The following TPRG1 variants were observed in gnomAD, a reference collection of about 807,000 sequenced individuals.
The protein encoded by TPRG1 is tumor protein p63-regulated gene 1 protein.
Under a neutral mutation model 29.3 loss-of-function variants are expected in TPRG1, and 29 were observed. The ratio of observed to expected loss-of-function variants is 0.99; its 90% confidence interval spans 0.74 to 1.35. The LOEUF (loss-of-function observed/expected upper bound fraction) is 1.35, where lower values mean the gene tolerates loss of function less well. TPRG1 is among the 40% of genes most tolerant of loss of function. The pLI is 0.00. For missense variants in TPRG1, 327 were observed against 335.0 expected (o/e 0.98, Z 0.19); for synonymous variants, 130 against 116.8 (o/e 1.11, Z -0.73).
intron 1 of TPRG1, among the ~76,000 whole-genome samples, chr3:189,180,250 G>A (rs139511426): frequency 1.5e-3 from 230 of 152,164 alleles, no homozygotes; most frequent in South Asian, 0.015. Context: ...TCCACCTCTG[G>A]TCGCTCCCAA....
At chr3:189,106,764 T>G (rs1443556600) in intron 1 of TPRG1, among the ~76,000 whole-genome samples, 1 of 152,182 alleles carries the variant, frequency 6.6e-6, no homozygotes, top group Non-Finnish European at 1.5e-5. Flanking sequence ...CAAAGAATTT[T>G]CATGTTTCTG....
intron 2 of TPRG1, among the ~76,000 whole-genome samples, chr3:189,210,182 T>C (rs1480250957): frequency 6.6e-6 from 1 of 152,162 alleles, no homozygotes; most frequent in Non-Finnish European, 1.5e-5. Flanking sequence ...ATCTACAAAG[T>C]ATAGATAAAA....
At chr3:189,317,394 G>A (rs1480688711) in intron 5 of TPRG1, among the ~76,000 whole-genome samples, 1 of 152,056 alleles carries the variant, frequency 6.6e-6, no homozygotes, top group Non-Finnish European at 1.5e-5. Flanking sequence ...CAAATTTCAG[G>A]CTCATCTCAT....
At chr3:189,036,854 T>G (rs903092081) in intron 4 of TPRG1, among the ~76,000 whole-genome samples, 6 of 151,838 alleles carry the variant, frequency 4.0e-5, no homozygotes, top group Non-Finnish European at 7.4e-5. Context: ...TATAAACCGA[T>G]TAAATGAAAC....
intron 1 of TPRG1, among the ~76,000 whole-genome samples, chr3:189,104,633 C>T (rs191353772): frequency 1.1e-3 from 165 of 151,834 alleles, no homozygotes; most frequent in African/African-American, 3.8e-3. Context: ...CGAACAGAAA[C>T]TGGAGATTAA....
chr3:189,320,532 G>A, intron 5 of TPRG1, 94 bp from the exon 6 acceptor site: 1 of 1,015,450 alleles, frequency 9.8e-7, no homozygotes, highest in Non-Finnish European at 1.4e-6. Flanking sequence ...CCCCAGGAGA[G>A]TAGTCAACTT....
chr3:189,154,267 T>A (rs1415612593), intron 5 of TPRG1, among the ~76,000 whole-genome samples: 1 of 152,176 alleles, frequency 6.6e-6, no homozygotes, highest in African/African-American at 2.4e-5. Flanking sequence ...TACCCTTATT[T>A]TACGATTATA....
intron 1 of TPRG1, among the ~76,000 whole-genome samples, chr3:189,195,358 G>A (rs1365222827): frequency 2.0e-5 from 3 of 152,160 alleles, no homozygotes; most frequent in Admixed American, 2.0e-4. Flanking sequence ...AGCTGAAAAG[G>A]CAGCGGGAGT....
chr3:189,201,395 C>T (rs61065225), intron 1 of TPRG1, among the ~76,000 whole-genome samples: 3 of 151,944 alleles, frequency 2.0e-5, no homozygotes, highest in Non-Finnish European at 4.4e-5. Flanking sequence ...AGGAGACAGA[C>T]AGAACAAGTG....
chr3:189,283,463 T>G (rs768541585), intron 4 of TPRG1, among the ~76,000 whole-genome samples: 3 of 152,244 alleles, frequency 2.0e-5, no homozygotes, highest in Admixed American at 2.0e-4. Context: ...CTAATATGAT[T>G]TGTTGGAAAT....
chr3:189,116,326 A>C (rs1721164651), intron 1 of TPRG1, among the ~76,000 whole-genome samples: 2 of 151,904 alleles, frequency 1.3e-5, no homozygotes, highest in Non-Finnish European at 2.9e-5. Context: ...GCAGGCGTCC[A>C]CCACCATGCC....
chr3:189,126,917 G>A (rs923165128), intron 1 of TPRG1: 7 of 152,176 alleles, frequency 4.6e-5, no homozygotes, highest in African/African-American at 1.7e-4. Flanking sequence ...AGAAAGATGA[G>A]TGTGATGATG....
At chr3:189,307,583 G>A (rs1721830001) in intron 4 of TPRG1, among the ~76,000 whole-genome samples, 1 of 152,202 alleles carries the variant, frequency 6.6e-6, no homozygotes, top group Non-Finnish European at 1.5e-5. Flanking sequence ...GCTATGTTAT[G>A]CAATAGCAGG....
intron 3 of TPRG1, among the ~76,000 whole-genome samples, chr3:189,005,040 A>C (rs1383978993): frequency 6.6e-6 from 1 of 152,064 alleles, no homozygotes; most frequent in South Asian, 2.1e-4. Context: ...TATTTATGGG[A>C]TCTAAAAATC....
intron 5 of TPRG1, among the ~76,000 whole-genome samples, chr3:189,314,239 G>A (rs907265576): frequency 6.6e-6 from 1 of 152,114 alleles, no homozygotes; most frequent in Non-Finnish European, 1.5e-5. Context: ...AGGGTTGGTT[G>A]TCAGGCAGTT....
intron 1 of TPRG1, among the ~76,000 whole-genome samples, chr3:189,108,807 G>T (rs1459570258): frequency 6.6e-6 from 1 of 152,058 alleles, no homozygotes; most frequent in African/African-American, 2.4e-5. Flanking sequence ...GTGCAATAAA[G>T]GTAGCGCCTT....
At chr3:189,072,826 G>A (rs760817459) in intron 4 of TPRG1, among the ~76,000 whole-genome samples, 3 of 151,926 alleles carry the variant, frequency 2.0e-5, no homozygotes, top group Non-Finnish European at 4.4e-5. Context: ...TATTAGTAGG[G>A]ACTCATGGAA....
chr3:189,284,654 G>A lies in TPRG1; in HGVS notation c.480-25732G>A, dbSNP rs938998080. 1.1e-3 allele frequency among the ~76,000 whole-genome samples: 161 copies of A among 152,056 alleles called. 1 individual carries two copies. The highest frequency in any genetic ancestry group is 3.4e-3 in the Middle Eastern group (1 of 294). On this transcript the variant is annotated intron_variant, in intron 4 of 5. Transcript: ENST00000345063. ...AGTCTTTGCTATTGTGAATAGTACC[G>A]CAATAAACATATGTGTGCATGTGTC...
chr3:189,096,541 G>T (rs1718691067), upstream of TPRG1, among the ~76,000 whole-genome samples: 1 of 152,156 alleles, frequency 6.6e-6, no homozygotes, highest in African/African-American at 2.4e-5. Flanking sequence ...TTCTTCTACA[G>T]CAGTGGTGCT....
Sources: gnomAD v4.1 joint callset for allele counts (sites outside exome capture counted in the v4.1 genomes callset) on GRCh38, gnomAD v4.1.1 for gene constraint, MANE v1.5 for transcripts, NCBI Gene and HGNC (gene_info 2026-07-23, HGNC 2026-07-21) for gene names.